The following CDK5RAP2 variants were observed in gnomAD, a reference collection of about 807,000 sequenced individuals.
CDK5RAP2 encodes CDK5 regulatory subunit-associated protein 2.
CDK5RAP2 carries 147 observed loss-of-function variants against 232.9 expected under a neutral mutation model. The ratio of observed to expected loss-of-function variants is 0.63; its 90% CI spans 0.55 to 0.72. CDK5RAP2 has a LOEUF of 0.72. Ranked by LOEUF, CDK5RAP2 falls within the 30% of genes least tolerant of loss-of-function variation. CDK5RAP2 has a pLI of 0.00. For missense variants in CDK5RAP2, 2,195 were observed against 2,231.5 expected (o/e 0.98, Z 0.33); for synonymous variants, 833 against 833.7 (o/e 1.00, Z 0.01).
intron 14 of CDK5RAP2, among the ~76,000 whole-genome samples, chr9:120,480,906 C>T (rs1041006993): frequency 1.3e-5 from 2 of 152,200 alleles, no homozygotes. Context: ...GTCACTGGCA[C>T]AAGGAGTTCC....
chr9:120,480,581 T>G (rs1424520344), intron 14 of CDK5RAP2, among the ~76,000 whole-genome samples: 3 of 146,018 alleles, frequency 2.1e-5, no homozygotes, highest in African/African-American at 2.8e-5. Context: ...TAGCATAATT[T>G]TTTTATATTT....
intron 3 of CDK5RAP2, among the ~76,000 whole-genome samples, chr9:120,563,130 C>G (rs776608033): frequency 2.0e-5 from 3 of 152,210 alleles, no homozygotes; most frequent in East Asian, 1.9e-4. Context: ...GGGGTAGCCT[C>G]TCTAACAAGG....
intron 25 of CDK5RAP2, among the ~76,000 whole-genome samples, chr9:120,424,939 CA>C (rs1162356976): frequency 6.6e-6 from 1 of 152,092 alleles, no homozygotes; most frequent in Non-Finnish European, 1.5e-5. Flanking sequence ...TCAAGTGATC[CA>C]CCTGCCTTGA....
rs559350336 is a variant in CDK5RAP2 at position 120,526,331 on chromosome 9, T to C, written c.1000-1253A>G. 1.8e-4 allele frequency among the ~76,000 whole-genome samples: 27 copies of C among 152,308 alleles called. No individual in the cohort carries two copies. The South Asian group carries it at 5.2e-3, about 29-fold the overall frequency. ...ATCACATCTACCACTGTCCCAGATC[T>C]TGCCATCAACCTCCACTATCCACGC... On this transcript the variant is annotated intron_variant, in intron 10 of 37. Transcript: ENST00000349780.
chr9:120,577,788 G>A lies in CDK5RAP2; in HGVS notation c.59+2132C>T, dbSNP rs1042019186. On this transcript the variant is annotated intron_variant, in intron 1 of 37. Transcript: ENST00000349780. ...TGAGTGACTTGCCCCAGATCAAGGGGTTGTTAAGTAGCAGAACTGGGATTA... is the reference window on the plus strand; with the variant it reads ...TGAGTGACTTGCCCCAGATCAAGGGATTGTTAAGTAGCAGAACTGGGATTA... Among the ~76,000 whole-genome samples, 6 of 152,164 alleles carry A rather than the reference G, an allele frequency of 3.9e-5. No individual in the cohort carries two copies. The East Asian group carries it at 9.6e-4, about 24-fold the overall frequency.
Position 120,518,411 on chromosome 9 carries a change from G to A in CDK5RAP2, c.1311+16C>T. On this transcript the variant is annotated intron_variant, in intron 12 of 37. Coordinates refer to ENST00000349780, the MANE Select transcript of CDK5RAP2 (RefSeq NM_018249.6). ...AAGCACTGTCCACTGTGTCAGAAGG[G>A]CAGGGCGGTACTCACACGGATGGTG... is the stretch of plus-strand genomic sequence containing the variant. The A allele has an allele frequency of 2.5e-6, 4 of 1,606,524 alleles. No individual in the cohort carries two copies. The highest frequency in any genetic ancestry group is 3.4e-6 in the Non-Finnish European group (4 of 1,174,234).
intron 14 of CDK5RAP2, among the ~76,000 whole-genome samples, chr9:120,485,087 T>C (rs1286272475): frequency 6.6e-6 from 1 of 152,074 alleles, no homozygotes; most frequent in East Asian, 1.9e-4. Context: ...TTTGCTAAAA[T>C]ACTTAGGTAT....
chr9:120,555,103 C>T (rs1300366950), intron 3 of CDK5RAP2, among the ~76,000 whole-genome samples: 1 of 142,254 alleles, frequency 7.0e-6, no homozygotes, highest in Non-Finnish European at 1.5e-5. Context: ...AATGAGATAC[C>T]GTACACACCT....
intron 3 of CDK5RAP2, among the ~76,000 whole-genome samples, chr9:120,561,563 G>A (rs2042466405): frequency 6.6e-6 from 1 of 152,076 alleles, no homozygotes; most frequent in Admixed American, 6.6e-5. Flanking sequence ...GTCTCCCAAA[G>A]TGCTGGGATT....
chr9:120,428,800 G>A (rs981653055), intron 25 of CDK5RAP2, among the ~76,000 whole-genome samples: 5 of 151,982 alleles, frequency 3.3e-5, no homozygotes, highest in African/African-American at 7.3e-5. Context: ...CAGAGACACA[G>A]CCAAAAAAGA....
intron 3 of CDK5RAP2, among the ~76,000 whole-genome samples, chr9:120,563,229 G>A (rs956497280): frequency 3.3e-5 from 5 of 152,126 alleles, no homozygotes; most frequent in African/African-American, 4.8e-5. Flanking sequence ...GAGCATGCAC[G>A]TAGGCCCTGG....
Position 120,487,156 on chromosome 9 carries a change from C to A in CDK5RAP2, c.1626+138G>T, listed in dbSNP as rs565442402. On this transcript the variant is annotated intron_variant, in intron 14 of 37. Transcript: ENST00000349780. Reference sequence around the variant, plus strand: ...TCTGTAACGTGGTAGGCTAAGAACTCCTCCTCCTACCTGTTGTAGGCTCAG... The same window carrying A: ...TCTGTAACGTGGTAGGCTAAGAACTACTCCTCCTACCTGTTGTAGGCTCAG... The A allele has an allele frequency of 7.9e-6, 7 of 884,870 alleles. No individual in the cohort carries two copies. In the African/African-American group the frequency reaches 9.8e-5, roughly 12 times the overall value. 54.8% of individuals were successfully genotyped at this position (884,870 alleles called of 1,614,324 possible). A position where few individuals can be genotyped will look rare whatever the true frequency, so the allele number is the denominator to read the frequency against.
rs2033498866 is a variant in CDK5RAP2 at position 120,407,077 on chromosome 9, C to G, written c.4898G>C (p.Gly1633Ala). The G allele has an allele frequency of 4.3e-6, 7 of 1,614,002 alleles. No individual in the cohort carries two copies. The highest frequency in any genetic ancestry group is 2.2e-5 in the East Asian group (1 of 44,892). ...LARGAEKAQE[G>A]ALTLAVQAVS... is the part of the protein sequence containing the mutation. ...GGCTTGGACAGCCAGAGTGAGGGCT[C>G]CTTCCTGTGCCTTCTCTGCCCCCCT... The change falls in exon 32 of 38, where the codon GGA becomes GCA. Residue 1633 changes from glycine (G) to alanine (A), a missense_variant. Physicochemically the swap from Gly to Ala is moderately conservative, Grantham distance 60. Coordinates refer to ENST00000349780, the MANE Select transcript of CDK5RAP2 (RefSeq NM_018249.6).
Position 120,411,450 on chromosome 9 carries a change from C to A in CDK5RAP2, c.4322G>T (p.Gly1441Val). ...VQGSTSIFAS[G>V]SELHSSLTSE... ...TGTTAGAGAACTATGAAGCTCTGAACCAGAAGCAAAAATGCTTGTAGAACC... is the reference window on the plus strand; with the variant it reads ...TGTTAGAGAACTATGAAGCTCTGAAACAGAAGCAAAAATGCTTGTAGAACC... The change falls in exon 29 of 38, where the codon GGT becomes GTT. Residue 1441 changes from glycine (G) to valine (V), a missense_variant. Coordinates refer to ENST00000349780, the MANE Select transcript of CDK5RAP2 (RefSeq NM_018249.6). 5 of 1,610,506 alleles carry A rather than the reference C, an allele frequency of 3.1e-6. No homozygotes were observed. The highest frequency in any genetic ancestry group is 4.2e-6 in the Non-Finnish European group (5 of 1,177,000).
chr9:120,472,706 C>A (rs1043658071), intron 15 of CDK5RAP2, among the ~76,000 whole-genome samples: 1 of 152,146 alleles, frequency 6.6e-6, no homozygotes, highest in African/African-American at 2.4e-5. Flanking sequence ...AGAGAGCTTG[C>A]ATGGACTAGA....
At chr9:120,551,786 T>C (rs1244443322) in intron 3 of CDK5RAP2, among the ~76,000 whole-genome samples, 4 of 152,198 alleles carry the variant, frequency 2.6e-5, no homozygotes, top group Non-Finnish European at 5.9e-5. Flanking sequence ...GAAACTTGAA[T>C]AACAATTTTA....
rs574458196 is a variant in CDK5RAP2 at position 120,437,323 on chromosome 9, C to T, written c.3927G>A (p.Leu1309=). ...QEQLNQCAEL[L]EKLEKLFLNG... ...TGAGAAATAGCTTTTCCAATTTCTCCAGCAGCTCAGCACATTGATTCAGCT... is the reference window on the plus strand; with the variant it reads ...TGAGAAATAGCTTTTCCAATTTCTCTAGCAGCTCAGCACATTGATTCAGCT... The change falls in exon 25 of 38, where the codon CTG becomes CTA. Residue 1309 remains leucine, a synonymous_variant. Coordinates refer to ENST00000349780, the MANE Select transcript of CDK5RAP2 (RefSeq NM_018249.6). The T allele has an allele frequency of 2.5e-6, 4 of 1,613,854 alleles. No individual in the cohort carries two copies. In the African/African-American group the frequency reaches 5.3e-5, roughly 22 times the overall value.
chr9:120,523,501 A>G (rs911339296), intron 11 of CDK5RAP2, among the ~76,000 whole-genome samples: 17 of 152,368 alleles, frequency 1.1e-4, no homozygotes, highest in Middle Eastern at 3.4e-3. Context: ...AGAGAAGGCA[A>G]GTCTGAGATT....
intron 2 of CDK5RAP2, among the ~76,000 whole-genome samples, chr9:120,571,355 A>G (rs10984960): frequency 0.86 from 131,559 of 152,174 alleles, 57,519 homozygotes; most frequent in Non-Finnish European, 0.93. Flanking sequence ...TATCTTAGAG[A>G]TATTTTGCAA....
Sources: allele counts gnomAD v4.1 joint callset (sites outside exome capture counted in the v4.1 genomes callset), GRCh38; gene constraint gnomAD v4.1.1; transcripts MANE v1.5; gene names NCBI Gene and HGNC (gene_info 2026-07-23, HGNC 2026-07-21).